ZGRF1: variants seen among roughly 807,000 people sequenced by gnomAD.
ZGRF1 encodes 5'-3' DNA helicase ZGRF1.
A neutral mutation model predicts 203.5 loss-of-function variants in ZGRF1; 196 were observed. That is an observed-to-expected ratio of 0.96 (90% CI 0.86 to 1.08). The LOEUF (loss-of-function observed/expected upper bound fraction) is 1.08. Ranked by LOEUF, ZGRF1 falls within the 50% of genes least tolerant of loss-of-function variation. The pLI, the probability that ZGRF1 is intolerant of heterozygous loss-of-function variation, is 0.00. For synonymous variants in ZGRF1, 809 were observed against 841.3 expected, an observed-to-expected ratio of 0.96 and a Z score of 0.66; for missense variants, 2,326 against 2,416.3, an observed-to-expected ratio of 0.96 and a Z score of 0.78.
rs2047671991 is a variant in ZGRF1 at position 112,636,876 on chromosome 4, TC to T, written c.-93del. 2 of 152,120 alleles carry T rather than the reference TC, an allele frequency of 1.3e-5. No individual in the cohort carries two copies. 9.4% of individuals were successfully genotyped at this position (152,120 alleles called of 1,614,324 possible). A position where few individuals can be genotyped will look rare whatever the true frequency, so the allele number is the denominator to read the frequency against. ...CTGTCAAATTGCACAAAATCCACTT[TC>T]GAATTTCTCCCGCGAAACAACGTGA... On this transcript the variant is annotated 5_prime_UTR_variant, in exon 1 of 28. It introduces an in-frame stop codon into an upstream open reading frame of the 5' UTR. Coordinates refer to ENST00000505019, the MANE Select transcript of ZGRF1 (RefSeq NM_018392.5).
In ZGRF1 at chr4:112,584,143, TTGG is replaced by T. The variant is rs770637143; in HGVS notation, c.4130_4132del (p.Pro1377_Lys1378delinsGln). 10 of 1,611,136 alleles carry T rather than the reference TTGG, an allele frequency of 6.2e-6. No individual in the cohort carries two copies. In the Admixed American group the frequency reaches 1.7e-4, roughly 27 times the overall value. ...TTTAAAGAATTTACATCGATCAGCT[TTGG>T]GTCCATCACATGTATAAAAGAGACG... On this transcript the variant is annotated inframe_deletion, in exon 15 of 28. Coordinates refer to ENST00000505019, the MANE Select transcript of ZGRF1 (RefSeq NM_018392.5).
rs377089954 is a variant in ZGRF1, at chr4:112,590,673, C to T, written c.2977-799G>A. Among the ~76,000 whole-genome samples, 8 of 152,146 alleles carry T rather than the reference C, an allele frequency of 5.3e-5. No individual in the cohort carries two copies. In the East Asian group the frequency reaches 1.2e-3, roughly 22 times the overall value. ...AGGCGCAGTGGCTCACTCCTGTAAT[C>T]CCAGCACTTTGGGAGGCTGAGGCGG... On this transcript the variant is annotated intron_variant, in intron 10 of 27. Coordinates refer to ENST00000505019, the MANE Select transcript of ZGRF1 (RefSeq NM_018392.5).
intron 10 of ZGRF1, among the ~76,000 whole-genome samples, chr4:112,591,357 C>T (rs1409561242): frequency 1.3e-5 from 2 of 152,130 alleles, no homozygotes; most frequent in Non-Finnish European, 2.9e-5. Flanking sequence ...ATAAAAATAA[C>T]AGTAACAGGC....
intron 23 of ZGRF1, 89 bp downstream of exon 23, chr4:112,548,164 C>T (rs1307529448): frequency 8.0e-7 from 1 of 1,250,140 alleles, no homozygotes; most frequent in African/African-American, 1.5e-5. Context: ...TGGTCGCAAA[C>T]TCCTAGACTC....
intron 10 of ZGRF1, among the ~76,000 whole-genome samples, chr4:112,598,972 G>A (rs1015731448): frequency 6.6e-6 from 1 of 151,976 alleles, no homozygotes; most frequent in African/African-American, 2.4e-5. Flanking sequence ...AATCACTTGA[G>A]CCTGGGAGAC....
Position 112,540,094 on chromosome 4 carries a change from G to A in ZGRF1, c.5941C>T (p.His1981Tyr). The change falls in exon 27 of 28, where the codon CAC becomes TAC. Residue 1981 changes from histidine to tyrosine, a missense_variant. Coordinates refer to ENST00000505019, the MANE Select transcript of ZGRF1 (RefSeq NM_018392.5). Reference sequence around the variant, plus strand: ...TGCACAGTTTTAATATCAGGATGGTGAAAGTCCACAGCACTGAGTAAATGA... The same window carrying A: ...TGCACAGTTTTAATATCAGGATGGTAAAAGTCCACAGCACTGAGTAAATGA... ...LCHLLSAVDF[H>Y]HPDIKTVQVS... The A allele has an allele frequency of 1.9e-6, 3 of 1,590,262 alleles. No homozygotes were observed. The highest frequency in any genetic ancestry group is 2.6e-6 in the Non-Finnish European group (3 of 1,166,418).
chr4:112,567,529 T>C (rs1214636776), intron 16 of ZGRF1, among the ~76,000 whole-genome samples: 1 of 152,120 alleles, frequency 6.6e-6, no homozygotes, highest in Non-Finnish European at 1.5e-5. Flanking sequence ...CCTAGCTACT[T>C]GGGAGGCTGA....
At chr4:112,569,810 A>T (rs1376514535) in intron 16 of ZGRF1, among the ~76,000 whole-genome samples, 2 of 152,102 alleles carry the variant, frequency 1.3e-5, no homozygotes, top group African/African-American at 2.4e-5. Flanking sequence ...GTTTATAAGG[A>T]ACACCTGTAA....
rs1288770884 is a variant in ZGRF1 at position 112,602,386 on chromosome 4, A to G, written c.2976+1138T>C. Among the ~76,000 whole-genome samples, 5 of 152,240 alleles carry G rather than the reference A, an allele frequency of 3.3e-5. No homozygotes were observed. The South Asian group carries it at 6.2e-4, about 19-fold the overall frequency. On this transcript the variant is annotated intron_variant, in intron 10 of 27. Transcript: ENST00000505019. ...AAACTGAAAACCAAAAACAGCATCA[A>G]GTGTTGGTAAAGATGTAGAGTGATG...
intron 9 of ZGRF1, among the ~76,000 whole-genome samples, chr4:112,604,685 T>C (rs1750508926): frequency 6.6e-6 from 1 of 152,192 alleles, no homozygotes; most frequent in African/African-American, 2.4e-5. Flanking sequence ...ATCCTACTGC[T>C]CTGAGAGCAA....
chr4:112,587,260 A>C lies in ZGRF1; in HGVS notation c.3777+20T>G, dbSNP rs762235424. On this transcript the variant is annotated intron_variant, in intron 12 of 27. Transcript: ENST00000505019. ...ATAACTATTGGAAAAATGCACCACA[A>C]GACCGGTACATTTCCTCACCTGTAA... The C allele has an allele frequency of 6.4e-7, 1 of 1,572,228 alleles. No individual in the cohort carries two copies. The highest frequency in any genetic ancestry group is 8.6e-7 in the Non-Finnish European group (1 of 1,160,142).
intron 24 of ZGRF1, among the ~76,000 whole-genome samples, chr4:112,545,174 C>CA (rs1350256949): frequency 1.3e-5 from 2 of 148,950 alleles, no homozygotes; most frequent in Non-Finnish European, 3.0e-5. Flanking sequence ...TTTTGTGCAT[C>CA]AAAAAACACT....
intron 24 of ZGRF1, among the ~76,000 whole-genome samples, chr4:112,546,053 A>C (rs928988578): frequency 1.4e-5 from 2 of 145,152 alleles, no homozygotes; most frequent in Non-Finnish European, 3.0e-5. Flanking sequence ...GTTGTACAAC[A>C]TTATGAATGT....
At chr4:112,625,585 CAAAA>C (rs35757277) in intron 3 of ZGRF1, among the ~76,000 whole-genome samples, 3 of 102,386 alleles carry the variant, frequency 2.9e-5, no homozygotes, top group Non-Finnish European at 1.9e-5. Flanking sequence ...GATTCCGTCT[CAAAA>C]AAAAAAAAAA....
chr4:112,607,653 T>C (rs1443826681), intron 8 of ZGRF1, among the ~76,000 whole-genome samples: 2 of 152,196 alleles, frequency 1.3e-5, no homozygotes, highest in African/African-American at 4.8e-5. Flanking sequence ...AGAGCCATTA[T>C]AGGCCAGGCA....
chr4:112,625,315 G>C (rs1186531317), intron 3 of ZGRF1, among the ~76,000 whole-genome samples: 2 of 151,786 alleles, frequency 1.3e-5, no homozygotes, highest in African/African-American at 4.8e-5. Flanking sequence ...CGCCAGGCGC[G>C]GTGGCTCAAG....
chr4:112,541,315 T>A (rs528731418), intron 24 of ZGRF1, 47 bp from the exon 25 acceptor site: 1 of 1,077,056 alleles, frequency 9.3e-7, no homozygotes, highest in South Asian at 2.1e-5. Flanking sequence ...TTTTTGTTCT[T>A]CTAGGGAAAG....
chr4:112,567,264 C>T (rs948580391), intron 16 of ZGRF1, among the ~76,000 whole-genome samples: 17 of 151,824 alleles, frequency 1.1e-4, no homozygotes, highest in African/African-American at 2.9e-4. Context: ...CCTTCCCCAA[C>T]ATATACTGCC....
At chr4:112,554,465 G>A (rs1321181208) in intron 21 of ZGRF1, among the ~76,000 whole-genome samples, 1 of 152,118 alleles carries the variant, frequency 6.6e-6, no homozygotes, top group Non-Finnish European at 1.5e-5. Flanking sequence ...TTAAGAAAAT[G>A]TGGCACATAT....
Sources: allele counts gnomAD v4.1 joint callset (sites outside exome capture counted in the v4.1 genomes callset), GRCh38; gene constraint gnomAD v4.1.1; transcripts MANE v1.5; gene names NCBI Gene and HGNC (gene_info 2026-07-23, HGNC 2026-07-21).